The following VWC2L variants were observed in gnomAD, a reference collection of about 807,000 sequenced individuals.
VWC2L encodes the protein von Willebrand factor C domain-containing protein 2-like.
A neutral mutation model predicts 21.6 loss-of-function variants in VWC2L; 10 were observed. The ratio of observed to expected loss-of-function variants is 0.46; its 90% CI spans 0.29 to 0.78. VWC2L has a LOEUF of 0.78. VWC2L is among the 30% of genes least tolerant of loss of function. VWC2L has a pLI of 0.10. For missense variants in VWC2L, 209 were observed against 277.1 expected, an observed-to-expected ratio of 0.75 and a Z score of 1.74; for synonymous variants, 96 against 94.3, an observed-to-expected ratio of 1.02 and a Z score of -0.10.
At chr2:214,469,339 C>T (rs1041581081) in intron 3 of VWC2L, among the ~76,000 whole-genome samples, 2 of 152,204 alleles carry the variant, frequency 1.3e-5, no homozygotes, top group Admixed American at 6.5e-5. Flanking sequence ...GTGGCTCACG[C>T]CTGTAATCCC....
intron 3 of VWC2L, among the ~76,000 whole-genome samples, chr2:214,503,511 A>T (rs1276993427): frequency 6.6e-6 from 1 of 152,138 alleles, no homozygotes; most frequent in East Asian, 1.9e-4. Context: ...CAAAGTCATA[A>T]TGTGGCCAAA....
At chr2:214,515,640 G>A (rs1020584742) in intron 3 of VWC2L, among the ~76,000 whole-genome samples, 5 of 152,018 alleles carry the variant, frequency 3.3e-5, no homozygotes, top group Non-Finnish European at 7.4e-5. Context: ...TGCAACCCCC[G>A]CCTCCCAGGT....
chr2:214,500,571 T>A (rs761429661), intron 3 of VWC2L, among the ~76,000 whole-genome samples: 17 of 152,262 alleles, frequency 1.1e-4, no homozygotes, highest in Non-Finnish European at 2.2e-4. Context: ...CTATCCCTGC[T>A]GCCAGCTTCT....
At chr2:214,484,766 C>G (rs75633621) in intron 3 of VWC2L, among the ~76,000 whole-genome samples, 1,819 of 152,240 alleles carry the variant, frequency 0.012, 28 homozygotes, top group African/African-American at 0.042. Flanking sequence ...AAAAGTGAAG[C>G]AACATGATAA....
chr2:214,568,437 G>T (rs1004204266), intron 3 of VWC2L, among the ~76,000 whole-genome samples: 1 of 152,144 alleles, frequency 6.6e-6, no homozygotes, highest in South Asian at 2.1e-4. Context: ...TTCTCACACT[G>T]CTAATAAAGA....
At chr2:214,462,207 T>A (rs547984605) in intron 3 of VWC2L, among the ~76,000 whole-genome samples, 1 of 152,174 alleles carries the variant, frequency 6.6e-6, no homozygotes, top group South Asian at 2.1e-4. Context: ...AGCAATACAA[T>A]CTCATGGACT....
At chr2:214,572,749 G>A (rs1355318605) in intron 3 of VWC2L, among the ~76,000 whole-genome samples, 36 of 152,262 alleles carry the variant, frequency 2.4e-4, no homozygotes, top group Admixed American at 2.1e-3. Flanking sequence ...TGAGACTTCT[G>A]TAGTTACACC....
chr2:214,512,020 A>G (rs1463549942), intron 3 of VWC2L, among the ~76,000 whole-genome samples: 1 of 151,572 alleles, frequency 6.6e-6, no homozygotes, highest in African/African-American at 2.4e-5. Context: ...TCTCTTTTTG[A>G]GACATATTAT....
At chr2:214,533,050 G>C (rs796313122) in intron 3 of VWC2L, among the ~76,000 whole-genome samples, 1 of 151,920 alleles carries the variant, frequency 6.6e-6, no homozygotes, top group Admixed American at 6.6e-5. Context: ...TGAAACCCAG[G>C]ACAGTCTACA....
At chr2:214,517,256 G>A (rs1369178022) in intron 3 of VWC2L, among the ~76,000 whole-genome samples, 1 of 152,144 alleles carries the variant, frequency 6.6e-6, no homozygotes, top group Non-Finnish European at 1.5e-5. Context: ...TCCTTCCTAT[G>A]TATGGGCATT....
intron 3 of VWC2L, among the ~76,000 whole-genome samples, chr2:214,567,128 T>C (rs888389320): frequency 1.3e-5 from 2 of 152,168 alleles, no homozygotes; most frequent in African/African-American, 4.8e-5. Context: ...GTGTCAATAA[T>C]AAATTTTCAA....
At chr2:214,566,887 T>C (rs1474975395) in intron 3 of VWC2L, among the ~76,000 whole-genome samples, 1 of 152,178 alleles carries the variant, frequency 6.6e-6, no homozygotes, top group African/African-American at 2.4e-5. Context: ...CATAGCACAA[T>C]AGCATCTATC....
intron 3 of VWC2L, among the ~76,000 whole-genome samples, chr2:214,499,508 G>C (rs4592851): frequency 7.4e-6 from 1 of 135,688 alleles, no homozygotes; most frequent in African/African-American, 2.7e-5. Context: ...GTCGTGGGGT[G>C]GGGGGAGGGG....
intron 3 of VWC2L, among the ~76,000 whole-genome samples, chr2:214,563,175 C>T (rs1469804896): frequency 1.3e-5 from 2 of 152,058 alleles, no homozygotes; most frequent in Non-Finnish European, 2.9e-5. Context: ...CTGCATGTGG[C>T]TAGCCAATTC....
intron 3 of VWC2L, among the ~76,000 whole-genome samples, chr2:214,447,649 T>A (rs754752673): frequency 6.6e-6 from 1 of 152,106 alleles, no homozygotes; most frequent in Non-Finnish European, 1.5e-5. Flanking sequence ...TCCTTAAATG[T>A]AAATGCCTTC....
At chr2:214,471,192 G>C (rs1703305209) in intron 3 of VWC2L, among the ~76,000 whole-genome samples, 1 of 152,084 alleles carries the variant, frequency 6.6e-6, no homozygotes, top group Admixed American at 6.6e-5. Flanking sequence ...TACATTCCTG[G>C]AGTTGGAAGA....
At chr2:214,420,087 GGGATTAT>G (rs1364215991) in intron 2 of VWC2L, among the ~76,000 whole-genome samples, 1 of 151,940 alleles carries the variant, frequency 6.6e-6, no homozygotes, top group African/African-American at 2.4e-5. Flanking sequence ...ATTAAGCCGT[GGGATTAT>G]TTTGCCAAGT....
chr2:214,480,864 C>CAAAAAAAAAAAAAAAAAAAAAAAA (rs59720596), intron 3 of VWC2L, among the ~76,000 whole-genome samples: 3 of 71,746 alleles, frequency 4.2e-5, no homozygotes, highest in African/African-American at 1.6e-4. Flanking sequence ...TATGCCAAGC[C>CAAAAAAAAAAAAAAAAAAAAAAAA]AAAAAAAAAA....
chr2:214,450,482 T>C (rs78373045), intron 3 of VWC2L, among the ~76,000 whole-genome samples: 5,095 of 152,300 alleles, frequency 0.033, 286 homozygotes, highest in African/African-American at 0.12. Context: ...TTACTAAAAA[T>C]TTGAGGGAAA....
Sources: allele counts gnomAD v4.1 joint callset (sites outside exome capture counted in the v4.1 genomes callset), GRCh38; gene constraint gnomAD v4.1.1; transcripts MANE v1.5; gene names NCBI Gene and HGNC (gene_info 2026-07-23, HGNC 2026-07-21).